The following DGKI variants were observed in gnomAD, a reference collection of about 807,000 sequenced individuals.
The protein encoded by DGKI is diacylglycerol kinase iota.
A neutral mutation model predicts 147.5 loss-of-function variants in DGKI; 55 were observed. The observed-to-expected ratio is 0.37, with a 90% CI of 0.30 to 0.47. The LOEUF is 0.47. DGKI is among the 20% of genes least tolerant of loss of function. DGKI has a pLI of 1.00. For synonymous variants in DGKI, 469 were observed against 477.1 expected (o/e 0.98, Z 0.22); for missense variants, 1,007 against 1,323.8 (o/e 0.76, Z 3.71).
intron 1 of DGKI, among the ~76,000 whole-genome samples, chr7:137,779,779 G>A (rs1796464595): frequency 6.6e-6 from 1 of 152,100 alleles, no homozygotes; most frequent in Non-Finnish European, 1.5e-5. Context: ...TAATAGAGTG[G>A]GGAGTGGGAA....
At chr7:137,402,869 G>C (rs533102066) in intron 30 of DGKI, among the ~76,000 whole-genome samples, 1 of 152,218 alleles carries the variant, frequency 6.6e-6, no homozygotes, top group South Asian at 2.1e-4. Flanking sequence ...GTTAAAAAAA[G>C]AGAAAAGAAA....
At chr7:137,760,586 A>C (rs2116803365) in intron 1 of DGKI, among the ~76,000 whole-genome samples, 1 of 152,264 alleles carries the variant, frequency 6.6e-6, no homozygotes, top group Middle Eastern at 3.4e-3. Flanking sequence ...ACCACTCATG[A>C]CAGCAACAAG....
In DGKI at chr7:137,427,155, G is replaced by A. The variant is rs558201274; in HGVS notation, c.2762-14948C>T. Reference sequence around the variant, plus strand: ...AATTGACCACATAGTTGGAAGTAAAGCTCTCCTCAGCAAATGTAAAAGAAC... The same window carrying A: ...AATTGACCACATAGTTGGAAGTAAAACTCTCCTCAGCAAATGTAAAAGAAC... On this transcript the variant is annotated intron_variant, in intron 28 of 32. Coordinates refer to ENST00000614521, the MANE Select transcript of DGKI (RefSeq NM_001321708.2). 6.8e-3 allele frequency among the ~76,000 whole-genome samples: 1,031 copies of A among 152,078 alleles called. 10 individuals are homozygous for A. The Middle Eastern group carries it at 0.068, about 10-fold the overall frequency.
At chr7:137,563,862 C>A (rs961730867) in intron 19 of DGKI, among the ~76,000 whole-genome samples, 2 of 151,984 alleles carry the variant, frequency 1.3e-5, no homozygotes, top group African/African-American at 4.8e-5. Flanking sequence ...ATTCCAATTC[C>A]TCCCCAAATT....
At chr7:137,669,007 C>T (rs940917687) in intron 3 of DGKI, among the ~76,000 whole-genome samples, 1 of 152,138 alleles carries the variant, frequency 6.6e-6, no homozygotes, top group Non-Finnish European at 1.5e-5. Flanking sequence ...TTCACAACAA[C>T]CACAAGAAGC....
At position 137,688,574 on chromosome 7, in the gene DGKI, A is replaced by C. The variant is rs563904703; in HGVS notation, c.510+1320T>G. ...CCCCTGGAATGTCTCACCTCAAAGA[A>C]GGCCCTGCTGCTGCAGACTACAGGG... On this transcript the variant is annotated intron_variant, in intron 2 of 32. Coordinates refer to ENST00000614521, the MANE Select transcript of DGKI (RefSeq NM_001321708.2). Among the ~76,000 whole-genome samples the C allele has an allele frequency of 1.1e-4, 16 of 152,326 alleles. 1 individual carries two copies. The highest frequency in any genetic ancestry group is 6.2e-4 in the South Asian group (3 of 4,824).
intron 17 of DGKI, among the ~76,000 whole-genome samples, chr7:137,574,170 A>G (rs1818890156): frequency 6.6e-6 from 1 of 152,212 alleles, no homozygotes; most frequent in Non-Finnish European, 1.5e-5. Flanking sequence ...CGATCTCCAT[A>G]CAGCCTAATT....
At chr7:137,594,626 A>G (rs550603769) in intron 12 of DGKI, among the ~76,000 whole-genome samples, 1 of 152,176 alleles carries the variant, frequency 6.6e-6, no homozygotes, top group Non-Finnish European at 1.5e-5. Flanking sequence ...AAGGCTGAAT[A>G]CCTTGTGTCA....
In DGKI at chr7:137,673,892, T is replaced by TC. The variant is rs572668125; in HGVS notation, c.606+4664dup. ...CCCCAGAGCATGAGAACAGTTTCTATCTGGCTGTGCCCGCTAAACGGTGAG... is the reference window on the plus strand; with the variant it reads ...CCCCAGAGCATGAGAACAGTTTCTATCCTGGCTGTGCCCGCTAAACGGTGAG... On this transcript the variant is annotated intron_variant, in intron 3 of 32. Coordinates refer to ENST00000614521, the MANE Select transcript of DGKI (RefSeq NM_001321708.2). Among the ~76,000 whole-genome samples, 1,010 of 152,332 alleles carry TC rather than the reference T, an allele frequency of 6.6e-3. 3 individuals are homozygous for TC. The highest frequency in any genetic ancestry group is 0.012 in the Non-Finnish European group (789 of 68,026).
chr7:137,597,054 G>A (rs62490468), intron 12 of DGKI, among the ~76,000 whole-genome samples: 2,255 of 152,212 alleles, frequency 0.015, 34 homozygotes, highest in South Asian at 0.043. Context: ...GGAGAAAACC[G>A]ATGAGGCATA....
rs543761874 is a variant in DGKI, at chr7:137,703,425, C to A, written c.402-13423G>T. Reference sequence around the variant, plus strand: ...CATGCTCAGGAAAAATCTGAGAAGGCCCTAATGTCCCACTTCTGGCTAAAA... The same window carrying A: ...CATGCTCAGGAAAAATCTGAGAAGGACCTAATGTCCCACTTCTGGCTAAAA... On this transcript the variant is annotated intron_variant, in intron 1 of 32. Coordinates refer to ENST00000614521, the MANE Select transcript of DGKI (RefSeq NM_001321708.2). 7.9e-5 allele frequency among the ~76,000 whole-genome samples: 12 copies of A among 152,278 alleles called. No homozygotes were observed. In the East Asian group the frequency reaches 2.1e-3, roughly 27 times the overall value.
chr7:137,781,829 G>A (rs759209456), intron 1 of DGKI, among the ~76,000 whole-genome samples: 1 of 152,198 alleles, frequency 6.6e-6, no homozygotes, highest in Non-Finnish European at 1.5e-5. Context: ...GGAGGGAGAA[G>A]GCAAAGCTGT....
intron 1 of DGKI, among the ~76,000 whole-genome samples, chr7:137,731,658 A>G (rs1794889580): frequency 6.6e-6 from 1 of 152,052 alleles, no homozygotes; most frequent in Non-Finnish European, 1.5e-5. Flanking sequence ...TTCTCCTTGC[A>G]TTCTTGCCCT....
chr7:137,745,637 C>G (rs375345096), intron 1 of DGKI, among the ~76,000 whole-genome samples: 1 of 152,238 alleles, frequency 6.6e-6, no homozygotes, highest in South Asian at 2.1e-4. Flanking sequence ...TATCCCAGTG[C>G]TTGTGTTCAA....
intron 1 of DGKI, among the ~76,000 whole-genome samples, chr7:137,843,915 C>T (rs993971691): frequency 6.6e-6 from 1 of 152,016 alleles, no homozygotes; most frequent in African/African-American, 2.4e-5. Flanking sequence ...TCAAATGATC[C>T]CCCTCACGCA....
At chr7:137,763,719 T>C (rs903071856) in intron 1 of DGKI, among the ~76,000 whole-genome samples, 6 of 152,252 alleles carry the variant, frequency 3.9e-5, no homozygotes, top group African/African-American at 1.2e-4. Context: ...ATCTAGAATG[T>C]AATTCATCTG....
intron 28 of DGKI, among the ~76,000 whole-genome samples, chr7:137,421,108 C>CA (rs1812552401): frequency 6.6e-6 from 1 of 152,126 alleles, no homozygotes; most frequent in African/African-American, 2.4e-5. Flanking sequence ...TTCAAACACT[C>CA]ACTGAATTCT....
Position 137,572,814 on chromosome 7 carries a change from T to C in DGKI, c.1786A>G (p.Lys596Glu), listed in dbSNP as rs558296599. The C allele has an allele frequency of 6.2e-7, 1 of 1,612,388 alleles. No homozygotes were observed. Among genetic ancestry groups the C allele is most frequent in the South Asian group, 1.1e-5 (1 of 90,704 alleles). Residue 596 changes from lysine (K) to glutamate (E), a missense_variant, in exon 18 of 33, where the codon AAG becomes GAG. Transcript: ENST00000614521. ...CACTGGAACTTCAGTTCCTGAATCT[T>C]TGGGGTGAGATCTGTTCCATCACAC... ...VVCDGTDLTP[K>E]IQELKFQCIV...
At chr7:137,622,076 T>C (rs1054665575) in intron 7 of DGKI, among the ~76,000 whole-genome samples, 12 of 150,732 alleles carry the variant, frequency 8.0e-5, no homozygotes, top group African/African-American at 2.7e-4. Flanking sequence ...AACAACTAAC[T>C]GAAAGTAAAT....
Sources: gnomAD v4.1 joint callset for allele counts (sites outside exome capture counted in the v4.1 genomes callset) on GRCh38, gnomAD v4.1.1 for gene constraint, MANE v1.5 for transcripts, NCBI Gene and HGNC (gene_info 2026-07-23, HGNC 2026-07-21) for gene names.